APPL1: variants seen among roughly 807,000 people sequenced by gnomAD.
The protein encoded by APPL1 is adaptor protein, phosphotyrosine interacting with PH domain and leucine zipper 1.
In APPL1, 42 loss-of-function variants were observed where a neutral mutation model predicts 106.8. The ratio of observed to expected loss-of-function variants is 0.39; its 90% confidence interval spans 0.31 to 0.51. APPL1 has a LOEUF of 0.51. APPL1 is among the 20% of genes least tolerant of loss of function. The pLI is 0.75. For missense variants in APPL1, 769 were observed against 858.2 expected (o/e 0.90, Z 1.30); for synonymous variants, 263 against 281.8 (o/e 0.93, Z 0.67).
Position 57,259,836 on chromosome 3 carries a change from C to T in APPL1, c.1484-9C>T. 1.3e-6 allele frequency: 2 copies of T among 1,557,570 alleles called. No homozygotes were observed. The highest frequency in any genetic ancestry group is 1.7e-6 in the Non-Finnish European group (2 of 1,155,068). On this transcript the variant is annotated splice_polypyrimidine_tract_variant and intron_variant, in intron 16 of 21. Transcript: ENST00000288266. Reference sequence around the variant, plus strand: ...AAAAAAATATGTAATACACCTTGTTCTATTATAGATTCTATTCTTCATCAG... The same window carrying T: ...AAAAAAATATGTAATACACCTTGTTTTATTATAGATTCTATTCTTCATCAG...
At chr3:57,256,916 A>T in intron 13 of APPL1, 41 bp from the exon 14 acceptor site, 1 of 1,551,304 alleles carries the variant, frequency 6.4e-7, no homozygotes, top group Non-Finnish European at 8.9e-7. Flanking sequence ...TGGTTTGCTT[A>T]CTTTACTAAT....
Position 57,253,734 on chromosome 3 carries a change from C to A in APPL1, c.1148C>A (p.Pro383Gln). 7.0e-7 allele frequency: 1 copy of A among 1,427,438 alleles called. No homozygotes were observed. The highest frequency in any genetic ancestry group is 1.5e-5 in the South Asian group (1 of 67,862). The allele number at this position is 1,427,438 out of a possible 1,614,324, so 88.4% of individuals were successfully genotyped here. Residue 383 changes from proline to glutamine, a missense_variant, in exon 13 of 22, where the codon CCA becomes CAA. Transcript: ENST00000288266. The part of the protein sequence containing the change: ...ISKQIYLSEN[P>Q]EETAARVNQS... ...AAACAAATATACTTAAGTGAAAATC[C>A]AGAGGTAATATTTTTATTTTATGTT... is the stretch of plus-strand genomic sequence containing the variant.
At chr3:57,262,385 C>T (rs866455878) in intron 19 of APPL1, among the ~76,000 whole-genome samples, 35 of 29,056 alleles carry the variant, frequency 1.2e-3, no homozygotes, top group African/African-American at 2.6e-3. Flanking sequence ...GGAAAATAAC[C>T]TTTTTTTTTT....
chr3:57,259,104 T>A, intron 16 of APPL1, 24 bp downstream of exon 16: 2 of 1,591,822 alleles, frequency 1.3e-6, no homozygotes, highest in Non-Finnish European at 8.6e-7. Flanking sequence ...GCAGCATTCA[T>A]ATATTTTAGA....
At chr3:57,248,846 A>G (rs2060788450) in intron 10 of APPL1, among the ~76,000 whole-genome samples, 2 of 152,048 alleles carry the variant, frequency 1.3e-5, no homozygotes, top group South Asian at 4.1e-4. Context: ...CTCCAGCCTG[A>G]GGGACAGAGT....
At chr3:57,244,905 G>C (rs2060764781) in intron 7 of APPL1, among the ~76,000 whole-genome samples, 2 of 152,152 alleles carry the variant, frequency 1.3e-5, no homozygotes, top group Non-Finnish European at 2.9e-5. Flanking sequence ...ACTTTTGGGA[G>C]ATATTTTTTT....
chr3:57,244,139 T>A (rs1418105263), intron 7 of APPL1, among the ~76,000 whole-genome samples: 1 of 151,386 alleles, frequency 6.6e-6, no homozygotes, highest in African/African-American at 2.4e-5. Flanking sequence ...CTTTGATTGG[T>A]GAATTGGGAA....
At position 57,239,830 on chromosome 3, in the gene APPL1, C is replaced by T. The variant is rs188659766; in HGVS notation, c.286-635C>T. 3.9e-5 allele frequency among the ~76,000 whole-genome samples: 6 copies of T among 152,288 alleles called. No homozygotes were observed. The East Asian group carries it at 1.2e-3, about 29-fold the overall frequency. ...ATGTAGGAGGGTTCCAGTTTTTCCA[C>T]ATCCTCGCCAACAATTATTTTAGTT... On this transcript the variant is annotated intron_variant, in intron 4 of 21. Transcript: ENST00000288266.
Position 57,242,875 on chromosome 3 carries a change from T to C in APPL1, c.435T>C (p.Asn145=). ...IASNDHDAAI[N]RYSRLSKKRE... is the part of the protein sequence containing the mutation. ...TTCCAGATCATGATGCTGCGATTAA[T>C]AGATATAGCCGTTTATCAAAAAAAA... Residue 145 remains asparagine (N), a synonymous_variant, in exon 7 of 22, where the codon AAT becomes AAC. Transcript: ENST00000288266. 1 of 1,612,218 alleles carries C rather than the reference T, an allele frequency of 6.2e-7. No individual in the cohort carries two copies. Among genetic ancestry groups the C allele is most frequent in the Non-Finnish European group, 8.5e-7 (1 of 1,178,694 alleles).
chr3:57,269,773 C>G lies in APPL1; in HGVS notation c.*86C>G, dbSNP rs1205184485. The G allele has an allele frequency of 7.0e-7, 1 of 1,418,442 alleles. No individual in the cohort carries two copies. Among genetic ancestry groups the G allele is most frequent in the Non-Finnish European group, 9.8e-7 (1 of 1,025,126 alleles). The allele number at this position is 1,418,442 out of a possible 1,614,324, so 87.9% of individuals were successfully genotyped here. ...GAAGGTAACAACTATGTTGAAATAT[C>G]AAGGAGGAGATTAAGCTTTATATTT... On this transcript the variant is annotated 3_prime_UTR_variant, in exon 22 of 22. Transcript: ENST00000288266.
intron 1 of APPL1, among the ~76,000 whole-genome samples, chr3:57,230,923 GT>G: frequency 6.6e-6 from 1 of 151,972 alleles, no homozygotes; most frequent in Non-Finnish European, 1.5e-5. Flanking sequence ...TGGAGATGGA[GT>G]TTCGCTCTTG....
At chr3:57,262,410 T>A (rs1433170221) in intron 19 of APPL1, among the ~76,000 whole-genome samples, 47 of 140,066 alleles carry the variant, frequency 3.4e-4, no homozygotes, top group Non-Finnish European at 9.2e-5. Flanking sequence ...TTTTTTTTTT[T>A]GAGACAGACT....
chr3:57,256,807 A>G (rs112189081), intron 13 of APPL1, 150 bp from the exon 14 acceptor site: 17 of 603,058 alleles, frequency 2.8e-5, no homozygotes, highest in African/African-American at 1.8e-4. Context: ...GTACCCTAAT[A>G]TTAAGACGAG....
rs1053275894 is a variant in APPL1 at position 57,269,447 on chromosome 3, A to G, written c.1984-94A>G. On this transcript the variant is annotated intron_variant, in intron 21 of 21. Coordinates refer to ENST00000288266, the MANE Select transcript of APPL1 (RefSeq NM_012096.3). ...AGAAGTATGCATACATATTTATGAC[A>G]GAAGAAGTGGCTCTCAAGAATGTAT... The G allele has an allele frequency of 3.7e-5, 49 of 1,325,944 alleles. No individual in the cohort carries two copies. The Middle Eastern group carries it at 1.1e-3, about 31-fold the overall frequency. 82.1% of individuals were successfully genotyped at this position (1,325,944 alleles called of 1,614,324 possible).
chr3:57,248,128 A>G, intron 9 of APPL1, 65 bp from the exon 10 acceptor site: 1 of 1,496,730 alleles, frequency 6.7e-7, no homozygotes, highest in Non-Finnish European at 9.0e-7. Context: ...ATATGCAGGT[A>G]AACATGATTG....
At chr3:57,242,966 G>A in intron 7 of APPL1, 52 bp downstream of exon 7, 1 of 1,396,296 alleles carries the variant, frequency 7.2e-7, no homozygotes, top group Non-Finnish European at 1.0e-6. Context: ...TCATTAGGTG[G>A]TTTAGTTTTT....
At position 57,269,624 on chromosome 3, in the gene APPL1, C is replaced by T; in HGVS notation, c.2067C>T (p.Ser689=). ...ASSEGQFVVL[S]SSQSEESDLG... ...GTGAGGGGCAGTTTGTTGTCCTTAG[C>T]AGTAGCCAGTCAGAAGAGAGTGATT... Residue 689 remains serine, a synonymous_variant, in exon 22 of 22, where the codon AGC becomes AGT. Transcript: ENST00000288266. 6.2e-7 allele frequency: 1 copy of T among 1,614,000 alleles called. No individual in the cohort carries two copies. The highest frequency in any genetic ancestry group is 8.5e-7 in the Non-Finnish European group (1 of 1,179,974).
At chr3:57,257,131 A>T (rs1363778832) in intron 14 of APPL1, 80 bp downstream of exon 14, 2 of 1,564,420 alleles carry the variant, frequency 1.3e-6, no homozygotes, top group African/African-American at 2.7e-5. Flanking sequence ...GTTTGTACTG[A>T]AACTTAAGAC....
At position 57,252,473 on chromosome 3, in the gene APPL1, C is replaced by T. The variant is rs541020981; in HGVS notation, c.1095+162C>T. On this transcript the variant is annotated intron_variant, in intron 12 of 21. Transcript: ENST00000288266. Reference sequence around the variant, plus strand: ...TTTGTAAAAGTCTATTGTCCTCGAGCAATATTCTTAAGTTTCTCACAGAAT... The same window carrying T: ...TTTGTAAAAGTCTATTGTCCTCGAGTAATATTCTTAAGTTTCTCACAGAAT... Among the ~76,000 whole-genome samples the T allele has an allele frequency of 3.3e-5, 5 of 152,208 alleles. No homozygotes were observed. The South Asian group carries it at 8.3e-4, about 25-fold the overall frequency.
Sources: gnomAD v4.1 joint callset for allele counts (sites outside exome capture counted in the v4.1 genomes callset) on GRCh38, gnomAD v4.1.1 for gene constraint, MANE v1.5 for transcripts, NCBI Gene and HGNC (gene_info 2026-07-23, HGNC 2026-07-21) for gene names.